Variants in ITGA10 observed in about 807,000 individuals in gnomAD.
The protein encoded by ITGA10 is integrin alpha-10.
A neutral mutation model predicts 145.2 loss-of-function variants in ITGA10; 105 were observed. The observed-to-expected ratio is 0.72, with a 90% CI of 0.62 to 0.85. The LOEUF is 0.85. ITGA10 is among the 40% of genes least tolerant of loss of function. The pLI is 0.00. For missense variants in ITGA10, 1,317 were observed against 1,444.5 expected (o/e 0.91, Z 1.43); for synonymous variants, 506 against 557.8 (o/e 0.91, Z 1.31).
chr1:145,892,943 CTT>C, intron 29 of ITGA10, 80 bp from the exon 30 acceptor site: 1 of 1,136,340 alleles, frequency 8.8e-7, no homozygotes, highest in Non-Finnish European at 1.3e-6. Context: ...TATCTGAGGT[CTT>C]CACTTTTGTT....
chr1:145,900,616 C>T (rs1656148359), intron 14 of ITGA10, among the ~76,000 whole-genome samples, 174 bp downstream of exon 14: 1 of 151,988 alleles, frequency 6.6e-6, no homozygotes, highest in Non-Finnish European at 1.5e-5. Context: ...AGAAACTTGC[C>T]TGTGTTCAGG....
rs1553748093 is a variant in ITGA10 at position 145,901,013 on chromosome 1, A to T, written c.1588-20T>A. ...GGACTGCTGGTGGAGGAGAGAAGAT[A>T]GAAGATGCTAATCTGGCAGACCCAA... On this transcript the variant is annotated intron_variant, in intron 13 of 29. Transcript: ENST00000369304. The surrounding 1 kb of genome is among the most constrained non-coding windows in gnomAD (Gnocchi z 4.3). 1 of 1,613,896 alleles carries T rather than the reference A, an allele frequency of 6.2e-7. No individual in the cohort carries two copies. The highest frequency in any genetic ancestry group is 8.5e-7 in the Non-Finnish European group (1 of 1,179,862).
Position 145,901,555 on chromosome 1 carries a change from ATCTT to A in ITGA10, c.1400_1403del (p.Lys467MetfsTer4), listed in dbSNP as rs1225436354. 4 of 1,603,462 alleles carry A rather than the reference ATCTT, an allele frequency of 2.5e-6. No individual in the cohort carries two copies. Among genetic ancestry groups the A allele is most frequent in the Admixed American group, 1.7e-5 (1 of 57,568 alleles). ...GGCTCTGGGCAACCCTCACAGCCCC[ATCTT>A]TCTTAAGCTGGAAGGCGATGACTTT... On this transcript the variant is annotated frameshift_variant, in exon 12 of 30. Coordinates refer to ENST00000369304, the MANE Select transcript of ITGA10 (RefSeq NM_003637.5). LOFTEE classifies it high-confidence loss of function. The surrounding 1 kb of genome is among the most constrained non-coding windows in gnomAD (Gnocchi z 4.3).
At chr1:145,897,163 GCCCCCTTC>G in intron 21 of ITGA10, 76 bp from the exon 22 acceptor site, 1 of 1,555,588 alleles carries the variant, frequency 6.4e-7, no homozygotes, top group South Asian at 1.1e-5. Context: ...GCCCTTGTGC[GCCCCCTTC>G]CCTGAAGTCC....
intron 23 of ITGA10, 56 bp from the exon 24 acceptor site, chr1:145,896,408 G>T: frequency 7.4e-7 from 1 of 1,348,874 alleles, no homozygotes; most frequent in Non-Finnish European, 1.1e-6. Flanking sequence ...CAGACACAGG[G>T]GCACATGATC....
chr1:145,907,486 T>A, intron 1 of ITGA10, 21 bp from the exon 2 acceptor site: 4 of 1,613,904 alleles, frequency 2.5e-6, no homozygotes, highest in Non-Finnish European at 3.4e-6. Flanking sequence ...AGGATCATAA[T>A]GTTAGTATGA....
chr1:145,907,009 G>C (rs1657230292), intron 3 of ITGA10, 32 bp downstream of exon 3: 6 of 1,442,574 alleles, frequency 4.2e-6, no homozygotes, highest in Non-Finnish European at 5.7e-6. Flanking sequence ...AAAGTCAGGG[G>C]TTAGGAGGAG....
Position 145,897,018 on chromosome 1 carries a change from C to A in ITGA10, c.2737G>T (p.Ala913Ser). 3.1e-6 allele frequency: 5 copies of A among 1,613,874 alleles called. No homozygotes were observed. Among genetic ancestry groups the A allele is most frequent in the Middle Eastern group, 1.6e-4 (1 of 6,062 alleles). The change falls in exon 22 of 30, where the codon GCC becomes TCC. Residue 913 changes from alanine to serine, a missense_variant. Physicochemically the swap from Ala to Ser is moderately conservative, Grantham distance 99. Coordinates refer to ENST00000369304, the MANE Select transcript of ITGA10 (RefSeq NM_003637.5). ...LLSQVFVKLTASSDSLERNGT... is the reference protein window; with the variant it reads ...LLSQVFVKLTSSSDSLERNGT... ...AGTTCCCTTCATTCTCACCTGCTGG[C>A]AGTCAGCTTCACGAAGACCTGGCTC... is the stretch of plus-strand genomic sequence containing the variant.
At chr1:145,903,544 A>G (rs1656679605) in intron 7 of ITGA10, among the ~76,000 whole-genome samples, 1 of 152,140 alleles carries the variant, frequency 6.6e-6, no homozygotes, top group African/African-American at 2.4e-5. Context: ...ATGACAGCCC[A>G]CTTAGCCTTC....
At position 145,899,238 on chromosome 1, in the gene ITGA10, G is replaced by C; in HGVS notation, c.2026C>G (p.Leu676Val). ...ACTTGGAAGCAAAGGGCTGCAGTCA[G>C]ACAGACTGCCTCTTGGCCTCGCCGC... ...CRRRGQEAVC[L>V]TAALCFQVTS... is the part of the protein sequence containing the mutation. The change falls in exon 16 of 30, where the codon CTG becomes GTG. Residue 676 changes from leucine to valine, a missense_variant. By Grantham distance (32) the Leu-to-Val change is conservative. Transcript: ENST00000369304. The C allele has an allele frequency of 6.2e-7, 1 of 1,614,252 alleles. No individual in the cohort carries two copies. Among genetic ancestry groups the C allele is most frequent in the Non-Finnish European group, 8.5e-7 (1 of 1,180,046 alleles).
chr1:145,894,312 G>C (rs1483327789), intron 27 of ITGA10, among the ~76,000 whole-genome samples: 1 of 151,818 alleles, frequency 6.6e-6, no homozygotes, highest in African/African-American at 2.4e-5. Flanking sequence ...GGGTTTCACC[G>C]TGTTAGCCAG....
At chr1:145,904,229 G>A (rs1656790640) in intron 6 of ITGA10, 29 bp from the exon 7 acceptor site, 1 of 1,610,148 alleles carries the variant, frequency 6.2e-7, no homozygotes, top group Admixed American at 1.7e-5. Flanking sequence ...CAAATGAAAT[G>A]TATGTATGTG....
Position 145,907,140 on chromosome 1 carries a change from C to T in ITGA10, c.175G>A (p.Gly59Ser), listed in dbSNP as rs2101834777. The T allele has an allele frequency of 6.4e-7, 1 of 1,559,958 alleles. No homozygotes were observed. The highest frequency in any genetic ancestry group is 8.7e-7 in the Non-Finnish European group (1 of 1,151,288). Residue 59 changes from glycine (G) to serine (S), a missense_variant, in exon 3 of 30, where the codon GGC becomes AGC. Physicochemically the swap from Gly to Ser is moderately conservative, Grantham distance 56. Transcript: ENST00000369304. ...VGGGQRWMLV[G>S]APWDGPSGDR... The stretch of plus-strand genomic sequence containing the variant: ...CCTGAAGGCCCATCCCAGGGGGCGC[C>T]CACCAGCATCCTGGGAAGAGGATGT...
chr1:145,895,869 A>G (rs1655321078), intron 25 of ITGA10, 114 bp downstream of exon 25: 1 of 1,033,448 alleles, frequency 9.7e-7, no homozygotes, highest in Non-Finnish European at 1.5e-6. Context: ...CCCCCCAGAG[A>G]GAAGAGCCCC....
At chr1:145,895,906 G>A (rs1340286330) in intron 25 of ITGA10, 77 bp downstream of exon 25, 3 of 1,189,030 alleles carry the variant, frequency 2.5e-6, no homozygotes, top group Non-Finnish European at 3.7e-6. Flanking sequence ...CAGATAGGGA[G>A]CTGGTGTGGT....
At position 145,902,924 on chromosome 1, in the gene ITGA10, C is replaced by T. The variant is rs974284591; in HGVS notation, c.796G>A (p.Glu266Lys). 14 of 1,612,676 alleles carry T rather than the reference C, an allele frequency of 8.7e-6. No individual in the cohort carries two copies. The highest frequency in any genetic ancestry group is 3.3e-5 in the South Asian group (3 of 90,964). The change falls in exon 8 of 30, where the codon GAG becomes AAG. Residue 266 changes from glutamate (E) to lysine (K), a missense_variant. Glu to Lys is a moderately conservative substitution (Grantham distance 56, BLOSUM62 1). Transcript: ENST00000369304. ...GFSQSHGGRP[E>K]AARLLVVVTD... ...ACAACCACCAGTAGCCTGGCAGCCT[C>T]GGGTCGGCCCCCATGGGACTGACTG...
At position 145,899,280 on chromosome 1, in the gene ITGA10, C is replaced by G. The variant is rs368387003; in HGVS notation, c.1984G>C (p.Val662Leu). The G allele has an allele frequency of 1.2e-6, 2 of 1,614,108 alleles. No homozygotes were observed. Among genetic ancestry groups the G allele is most frequent in the African/African-American group, 2.7e-5 (2 of 74,932 alleles). Reference sequence around the variant, plus strand: ...CCTCGCCGCCTACAGTCCCTCTGAACCACACTGATGGCCTGTGGGGTCACC... The same window carrying G: ...CCTCGCCGCCTACAGTCCCTCTGAAGCACACTGATGGCCTGTGGGGTCACC... ...LEVTPQAISV[V>L]QRDCRRRGQE... is the part of the protein sequence containing the mutation. The change falls in exon 16 of 30, where the codon GTT becomes CTT. Residue 662 changes from valine to leucine, a missense_variant. Val to Leu is a conservative substitution (Grantham distance 32). Transcript: ENST00000369304.
At chr1:145,904,578 T>C in intron 6 of ITGA10, 106 bp downstream of exon 6, 2 of 1,202,036 alleles carry the variant, frequency 1.7e-6, no homozygotes, top group South Asian at 1.4e-5. Context: ...TCTCACTGTA[T>C]TGCCCAGGCT....
rs587707598 is a variant in ITGA10, at chr1:145,901,539, C to A, written c.1420G>T (p.Ala474Ser). 1 of 1,587,496 alleles carries A rather than the reference C, an allele frequency of 6.3e-7. No homozygotes were observed. The highest frequency in any genetic ancestry group is 1.4e-5 in the African/African-American group (1 of 73,622). The change falls in exon 12 of 30, where the codon GCC (alanine) becomes TCC (serine). Residue 474 changes from alanine (A) to serine (S), a missense_variant. Coordinates refer to ENST00000369304, the MANE Select transcript of ITGA10 (RefSeq NM_003637.5). This position sits in a 1 kb window ranked among gnomAD's most constrained non-coding sequence, Gnocchi z 4.3. ...QLKKDGAVRV[A>S]QSLQGEQIGS... ...ACCTGCTCCCCCTGGAGGCTCTGGG[C>A]AACCCTCACAGCCCCATCTTTCTTA...
Sources: gnomAD v4.1 joint callset for allele counts (sites outside exome capture counted in the v4.1 genomes callset) on GRCh38, gnomAD v4.1.1 for gene constraint, Gnocchi (gnomAD v3.1) non-coding constraint, MANE v1.5 for transcripts, NCBI Gene and HGNC (gene_info 2026-07-23, HGNC 2026-07-21) for gene names.